The following SERAC1 variants were observed in gnomAD, a reference collection of about 807,000 sequenced individuals.
The protein encoded by SERAC1 is protein SERAC1.
Under a neutral mutation model 85.7 loss-of-function variants are expected in SERAC1, and 36 were observed. The observed-to-expected ratio is 0.42, with a 90% CI of 0.32 to 0.55. The LOEUF is 0.55. SERAC1 is among the 20% of genes least tolerant of loss of function. The probability of loss-of-function intolerance (pLI) is 0.11; values close to 1 mark genes in which losing one functional copy is unlikely to be tolerated. For synonymous variants in SERAC1, 242 were observed against 265.3 expected (o/e 0.91, Z 0.85); for missense variants, 629 against 796.2 (o/e 0.79, Z 2.53).
At chr6:158,143,290 A>T in intron 7 of SERAC1, 106 bp from the exon 8 acceptor site, 1 of 1,289,854 alleles carries the variant, frequency 7.8e-7, no homozygotes, top group Non-Finnish European at 1.1e-6. Flanking sequence ...TCAAAGCCAT[A>T]TATTATGTGT....
intron 8 of SERAC1, among the ~76,000 whole-genome samples, chr6:158,141,866 A>G (rs1784924321): frequency 6.6e-6 from 1 of 152,238 alleles, no homozygotes; most frequent in Admixed American, 6.5e-5. Context: ...CCAAAAGGGG[A>G]AATTATGTAA....
intron 8 of SERAC1, among the ~76,000 whole-genome samples, chr6:158,140,434 T>A (rs1205586754): frequency 3.9e-5 from 6 of 152,194 alleles, no homozygotes; most frequent in Admixed American, 3.9e-4. Flanking sequence ...TGGAGATGTC[T>A]GGAGGGTGAT....
intron 16 of SERAC1, chr6:158,112,206 A>T (rs1312200373): frequency 1.3e-5 from 2 of 152,894 alleles, no homozygotes; most frequent in East Asian, 3.8e-4. Flanking sequence ...GAGGCCAGGA[A>T]TTTGAGACCA....
At chr6:158,139,395 C>T (rs1390485342) in intron 8 of SERAC1, among the ~76,000 whole-genome samples, 1 of 152,122 alleles carries the variant, frequency 6.6e-6, no homozygotes, top group Non-Finnish European at 1.5e-5. Flanking sequence ...AGAACTCTTA[C>T]AACTCAACAA....
chr6:158,125,882 CACAA>C (rs1214120941), intron 10 of SERAC1, among the ~76,000 whole-genome samples: 1 of 151,868 alleles, frequency 6.6e-6, no homozygotes, highest in East Asian at 1.9e-4. Context: ...CCATTAAACA[CACAA>C]ACACAGTATA....
At chr6:158,165,473 T>C (rs1020818857) in intron 1 of SERAC1, among the ~76,000 whole-genome samples, 2 of 152,168 alleles carry the variant, frequency 1.3e-5, no homozygotes, top group South Asian at 2.1e-4. Context: ...AATATCTATA[T>C]GCCAGTGATC....
At position 158,113,599 on chromosome 6, in the gene SERAC1, AATT is replaced by A; in HGVS notation, c.1685-10_1685-8del. 6.2e-7 allele frequency: 1 copy of A among 1,611,730 alleles called. No individual in the cohort carries two copies. The highest frequency in any genetic ancestry group is 8.5e-7 in the Non-Finnish European group (1 of 1,178,268). ...GTTTTAAGTGCAGGAGAATCTGTAA[AATT>A]ATACAGAACAAGACTGTGACAAGTT... is the stretch of plus-strand genomic sequence containing the variant. On this transcript the variant is annotated splice_polypyrimidine_tract_variant and splice_region_variant and intron_variant, in intron 15 of 16. Transcript: ENST00000647468.
At chr6:158,157,070 C>T (rs776852658) in intron 2 of SERAC1, among the ~76,000 whole-genome samples, 2 of 150,616 alleles carry the variant, frequency 1.3e-5, no homozygotes, top group African/African-American at 2.4e-5. Context: ...AATCTCAGCT[C>T]ACTGCAATCT....
chr6:158,111,210 G>A lies in SERAC1; in HGVS notation c.*156C>T, dbSNP rs1198150839. Reference sequence around the variant, plus strand: ...TCCGGGTTGGTGCTTTACAGCGCTTGAAGGGAGAACAATGTTCTGTAGTCT... The same window carrying A: ...TCCGGGTTGGTGCTTTACAGCGCTTAAAGGGAGAACAATGTTCTGTAGTCT... On this transcript the variant is annotated 3_prime_UTR_variant, in exon 17 of 17. Transcript: ENST00000647468. The A allele has an allele frequency of 4.5e-6, 3 of 665,904 alleles. No individual in the cohort carries two copies. In the East Asian group the frequency reaches 8.9e-5, roughly 20 times the overall value. The allele number at this position is 665,904 out of a possible 1,614,324, so 41.2% of individuals were successfully genotyped here.
At chr6:158,153,970 AAAATAC>A (rs960740959) in intron 3 of SERAC1, among the ~76,000 whole-genome samples, 15 of 150,478 alleles carry the variant, frequency 1.0e-4, no homozygotes, top group Admixed American at 1.4e-4. Context: ...GTCTCTACTA[AAAATAC>A]AAATACAAAT....
chr6:158,130,987 G>A (rs1418337143), intron 8 of SERAC1, among the ~76,000 whole-genome samples: 1 of 152,144 alleles, frequency 6.6e-6, no homozygotes, highest in East Asian at 1.9e-4. Flanking sequence ...TTCAATTCAA[G>A]TTCTTATGGA....
chr6:158,142,546 G>A (rs1322834916), intron 8 of SERAC1, among the ~76,000 whole-genome samples: 1 of 151,114 alleles, frequency 6.6e-6, no homozygotes, highest in African/African-American at 2.4e-5. Flanking sequence ...GCACAGTCTC[G>A]GCTCACTGCA....
In SERAC1 at chr6:158,128,178, C is replaced by G; in HGVS notation, c.945G>C (p.Gln315His). The change falls in exon 10 of 17, where the codon CAG (glutamine) becomes CAC (histidine). Residue 315 changes from glutamine to histidine, a missense_variant. Transcript: ENST00000647468. ...YRLHKDCPKV[Q>H]RNIMRVIGNM... ...TTCCAATGACACGCATTATATTTCT[C>G]TGTACTTTAGGGCAGTCCTTGTGAA... 1.9e-6 allele frequency: 3 copies of G among 1,614,156 alleles called. No individual in the cohort carries two copies. The highest frequency in any genetic ancestry group is 2.5e-6 in the Non-Finnish European group (3 of 1,180,004).
intron 9 of SERAC1, 37 bp downstream of exon 9, chr6:158,130,336 C>A: frequency 1.7e-6 from 2 of 1,189,762 alleles, no homozygotes; most frequent in East Asian, 2.7e-5. Flanking sequence ...TCAATAAAAT[C>A]ATAAAAAGTA....
intron 5 of SERAC1, among the ~76,000 whole-genome samples, chr6:158,148,084 A>G (rs1007379250): frequency 3.9e-5 from 6 of 152,176 alleles, no homozygotes; most frequent in African/African-American, 1.4e-4. Flanking sequence ...AATTTTTCAA[A>G]AAAATATATT....
At chr6:158,150,384 A>G in intron 4 of SERAC1, 69 bp downstream of exon 4, 6 of 1,272,288 alleles carry the variant, frequency 4.7e-6, no homozygotes, top group Non-Finnish European at 5.6e-6. Context: ...TGTGTTTTAA[A>G]TAGACGCATT....
At position 158,114,346 on chromosome 6, in the gene SERAC1, G is replaced by A. The variant is rs78500049; in HGVS notation, c.1684+443C>T. The A allele has an allele frequency of 3.0e-3, 921 of 307,018 alleles. 10 individuals are homozygous for A. The highest frequency in any genetic ancestry group is 0.019 in the African/African-American group (857 of 44,470). 19.0% of individuals were successfully genotyped at this position (307,018 alleles called of 1,614,324 possible). On this transcript the variant is annotated intron_variant, in intron 15 of 16. Coordinates refer to ENST00000647468, the MANE Select transcript of SERAC1 (RefSeq NM_032861.4). ...ACCTGGTATATTTAGGCTCGAGCCA[G>A]GGAATCCAAATTCCGATTAACAGGT...
At chr6:158,125,591 C>T (rs1562439331) in intron 10 of SERAC1, among the ~76,000 whole-genome samples, 1 of 152,144 alleles carries the variant, frequency 6.6e-6, no homozygotes, top group African/African-American at 2.4e-5. Flanking sequence ...TAACCAGGCA[C>T]AGTGGCCCAA....
intron 10 of SERAC1, among the ~76,000 whole-genome samples, chr6:158,123,825 G>C (rs898783754): frequency 6.6e-6 from 1 of 152,210 alleles, no homozygotes; most frequent in Non-Finnish European, 1.5e-5. Context: ...AGAATAAAAA[G>C]AGTGATGGAT....
Sources: gnomAD v4.1 joint callset for allele counts (sites outside exome capture counted in the v4.1 genomes callset) on GRCh38, gnomAD v4.1.1 for gene constraint, MANE v1.5 for transcripts, NCBI Gene and HGNC (gene_info 2026-07-23, HGNC 2026-07-21) for gene names.